ZNF529: variants seen among roughly 807,000 people sequenced by gnomAD.
ZNF529 encodes zinc finger protein 529.
Under a neutral mutation model 10.1 loss-of-function variants are expected in ZNF529, and 11 were observed. The observed-to-expected ratio is 1.09, with a 90% CI of 0.69 to 1.81. The LOEUF is 1.81. Ranked by LOEUF, ZNF529 falls within the 40% of genes most tolerant of loss-of-function variation. The pLI, the probability that ZNF529 is intolerant of heterozygous loss-of-function variation, is 0.00. For synonymous variants in ZNF529, 204 were observed against 215.7 expected, an observed-to-expected ratio of 0.95 and a Z score of 0.47; for missense variants, 624 against 666.8, an observed-to-expected ratio of 0.94 and a Z score of 0.71.
rs990767543 is a variant in ZNF529, at chr19:36,599,696, T to G, written c.-128+5430A>C. ...ATTTTTTTCAATTAGACTGCATTAA[T>G]TCCATCATCAGGAATGATAAAACCT... On this transcript the variant is annotated intron_variant, in intron 1 of 4. Transcript: ENST00000585960. Among the ~76,000 whole-genome samples, 3 of 152,194 alleles carry G rather than the reference T, an allele frequency of 2.0e-5. No individual in the cohort carries two copies. In the East Asian group the frequency reaches 5.8e-4, roughly 29 times the overall value.
intron 1 of ZNF529, among the ~76,000 whole-genome samples, chr19:36,591,172 G>A (rs953467824): frequency 9.9e-5 from 15 of 151,370 alleles, no homozygotes; most frequent in Admixed American, 4.6e-4. Flanking sequence ...GGTGGTGTGC[G>A]CCTGTAGTCC....
chr19:36,593,203 T>C (rs2036765819), intron 1 of ZNF529, among the ~76,000 whole-genome samples: 1 of 152,070 alleles, frequency 6.6e-6, no homozygotes, highest in Non-Finnish European at 1.5e-5. Context: ...ATAGATAGGG[T>C]CTCAGTCTGT....
chr19:36,560,734 A>G (rs1698938697), intron 2 of ZNF529, among the ~76,000 whole-genome samples: 1 of 152,216 alleles, frequency 6.6e-6, no homozygotes. Context: ...AAATTTCTCT[A>G]TCTCACTTGA....
intron 2 of ZNF529, among the ~76,000 whole-genome samples, chr19:36,564,132 T>G (rs1316296847): frequency 6.6e-6 from 1 of 152,200 alleles, no homozygotes; most frequent in Non-Finnish European, 1.5e-5. Context: ...AAAGCTTAAA[T>G]GTAAGAACTA....
chr19:36,605,269 C>G (rs1229035647), upstream of ZNF529: 1 of 152,254 alleles, frequency 6.6e-6, no homozygotes, highest in Non-Finnish European at 1.5e-5. Context: ...ACGGGCCGCC[C>G]CGGAGACTCC....
chr19:36,580,058 T>C (rs951606708), intron 2 of ZNF529, among the ~76,000 whole-genome samples: 1 of 152,200 alleles, frequency 6.6e-6, no homozygotes, highest in African/African-American at 2.4e-5. Context: ...CTTTTTAAAC[T>C]TTCTTGTTAA....
rs1378123949 is a variant in ZNF529 at position 36,546,960 on chromosome 19, G to A, written c.1598C>T (p.Pro533Leu). ...KHQRIHTDDK[P>L]YECKECGNSF... Reference sequence around the variant, plus strand: ...ATTCCCACACTCCTTACATTCATAGGGTTTATCATCAGTATGAATGCGCTG... The same window carrying A: ...ATTCCCACACTCCTTACATTCATAGAGTTTATCATCAGTATGAATGCGCTG... The change falls in exon 5 of 5, where the codon CCC (proline) becomes CTC (leucine). Residue 533 changes from proline to leucine, a missense_variant. Coordinates refer to ENST00000591340, the MANE Select transcript of ZNF529 (RefSeq NM_020951.5). The A allele has an allele frequency of 6.2e-7, 1 of 1,613,762 alleles. No homozygotes were observed.
At chr19:36,598,201 T>G (rs2036869675) in intron 1 of ZNF529, among the ~76,000 whole-genome samples, 2 of 152,128 alleles carry the variant, frequency 1.3e-5, no homozygotes, top group African/African-American at 4.8e-5. Context: ...TTCTCTATGG[T>G]TTTCTTTTCA....
At chr19:36,573,523 A>G (rs754432258), upstream of ZNF529, 16 of 469,856 alleles carry the variant, frequency 3.4e-5, 1 homozygote, top group South Asian at 2.5e-4. Context: ...CCCTGACGGC[A>G]AGGTGAAGTC....
chr19:36,578,060 T>TTA (rs2036370651), upstream of ZNF529: 1 of 30,922 alleles, frequency 3.2e-5, no homozygotes, highest in Non-Finnish European at 6.7e-5. Context: ...GTGGGGGAGA[T>TTA]TTTTTTTTTT....
At chr19:36,572,741 T>C (rs969731452) in intron 1 of ZNF529, among the ~76,000 whole-genome samples, 2 of 152,092 alleles carry the variant, frequency 1.3e-5, no homozygotes, top group African/African-American at 4.8e-5. Context: ...TATCTATCTA[T>C]CTATTATCTA....
At chr19:36,590,646 T>C (rs2036685522) in intron 1 of ZNF529, among the ~76,000 whole-genome samples, 1 of 152,000 alleles carries the variant, frequency 6.6e-6, no homozygotes, top group Non-Finnish European at 1.5e-5. Context: ...TGATAAAACC[T>C]TGGGTGGGCA....
Position 36,556,190 on chromosome 19 carries a change from C to T in ZNF529, c.22G>A (p.Gly8Arg), listed in dbSNP as rs2035464318. The T allele has an allele frequency of 8.9e-7, 1 of 1,125,028 alleles. No homozygotes were observed. Among genetic ancestry groups the T allele is most frequent in the East Asian group, 2.6e-5 (1 of 38,982 alleles). The allele number at this position is 1,125,028 out of a possible 1,614,324, so 69.7% of individuals were successfully genotyped here. Reference sequence around the variant, plus strand: ...TGAGGAGCTCCATGGACATGATCCCCAATGAAACTGTAAAAATTATTTTTT... The same window carrying T: ...TGAGGAGCTCCATGGACATGATCCCTAATGAAACTGTAAAAATTATTTTTT... The part of the protein sequence containing the change: MANSSFI[G>R]DHVHGAPHAV... The change falls in exon 3 of 5, where the codon GGG becomes AGG. Residue 8 changes from glycine to arginine, a missense_variant. By Grantham distance (125) the Gly-to-Arg change is moderately radical (BLOSUM62 -2). Coordinates refer to ENST00000591340, the MANE Select transcript of ZNF529 (RefSeq NM_020951.5).
intron 2 of ZNF529, 97 bp downstream of exon 2, chr19:36,572,236 G>A (rs2036145810): frequency 7.8e-7 from 1 of 1,287,468 alleles, no homozygotes; most frequent in East Asian, 2.5e-5. Context: ...CATTTGGAAA[G>A]GCAATGGAGG....
chr19:36,592,284 C>CAAAAAAAA (rs35717465), intron 1 of ZNF529, among the ~76,000 whole-genome samples: 6 of 49,850 alleles, frequency 1.2e-4, no homozygotes, highest in Admixed American at 8.6e-4. Context: ...GACTTTGTCT[C>CAAAAAAAA]AAAAAAAAAA....
chr19:36,563,107 C>A (rs1457772960), intron 2 of ZNF529, among the ~76,000 whole-genome samples: 2 of 151,968 alleles, frequency 1.3e-5, no homozygotes, highest in African/African-American at 4.8e-5. Flanking sequence ...TTTGTTATAG[C>A]AGCACAAACA....
intron 4 of ZNF529, among the ~76,000 whole-genome samples, chr19:36,551,099 G>A (rs1012022919): frequency 6.6e-6 from 1 of 152,094 alleles, no homozygotes; most frequent in Non-Finnish European, 1.5e-5. Context: ...TGTTTTGCCA[G>A]AAAGAAAAAA....
At position 36,587,267 on chromosome 19, in the gene ZNF529, GAA is replaced by G. The variant is rs61136933; in HGVS notation, c.-41+2346_-41+2347del. On this transcript the variant is annotated intron_variant, in intron 2 of 4. Coordinates refer to the ZNF529 transcript ENST00000585960. ...GTGTCAGAGCAAGACTCCGTCTCAG[GAA>G]AAAAAAAAAAAAAATCCCATTAGGG... The G allele has an allele frequency of 3.3e-3, 465 of 138,964 alleles. 1 individual carries two copies. The highest frequency in any genetic ancestry group is 8.6e-3 in the African/African-American group (323 of 37,674). 8.6% of individuals were successfully genotyped at this position (138,964 alleles called of 1,614,324 possible). A position where few individuals can be genotyped will look rare whatever the true frequency, so the allele number is the denominator to read the frequency against.
chr19:36,555,556 A>G lies in ZNF529; in HGVS notation c.108+548T>C, dbSNP rs2035435384. On this transcript the variant is annotated intron_variant, in intron 3 of 4. Transcript: ENST00000591340. ...CATGATCCACCCGCCTCGGCCTCCCAAAGTGCTGGGATTACAGGCGTGAGC... is the reference window on the plus strand; with the variant it reads ...CATGATCCACCCGCCTCGGCCTCCCGAAGTGCTGGGATTACAGGCGTGAGC... 1.2e-4 allele frequency among the ~76,000 whole-genome samples: 3 copies of G among 25,652 alleles called. 1 individual carries two copies. The South Asian group carries it at 3.4e-3, about 29-fold the overall frequency. 16.8% of individuals were successfully genotyped at this position (25,652 alleles called of 152,430 possible).
Sources: allele counts gnomAD v4.1 joint callset (sites outside exome capture counted in the v4.1 genomes callset), GRCh38; gene constraint gnomAD v4.1.1; transcripts MANE v1.5; gene names NCBI Gene and HGNC (gene_info 2026-07-23, HGNC 2026-07-21).